ARHGAP44: variants seen among roughly 807,000 people sequenced by gnomAD.
ARHGAP44 encodes Rho GTPase activating protein 44.
A neutral mutation model predicts 106.8 loss-of-function variants in ARHGAP44; 43 were observed. The observed-to-expected ratio is 0.40, with a 90% CI of 0.32 to 0.52. The LOEUF (loss-of-function observed/expected upper bound fraction) is 0.52, where lower values mean the gene tolerates loss of function less well. Ranked by LOEUF, ARHGAP44 falls within the 20% of genes least tolerant of loss-of-function variation. The probability of loss-of-function intolerance (pLI) is 0.48; values close to 1 mark genes in which losing one functional copy is unlikely to be tolerated. For missense variants in ARHGAP44, 866 were observed against 1,050.5 expected (o/e 0.82, Z 2.43); for synonymous variants, 439 against 410.3 (o/e 1.07, Z -0.85).
intron 10 of ARHGAP44, 130 bp downstream of exon 10, chr17:12,944,326 C>A: frequency 8.5e-7 from 1 of 1,171,688 alleles, no homozygotes; most frequent in Non-Finnish European, 1.1e-6. Context: ...AAGACAGTGG[C>A]TCAGACCCAT....
intron 17 of ARHGAP44, 71 bp from the exon 18 acceptor site, chr17:12,974,018 T>G: frequency 2.1e-6 from 3 of 1,454,822 alleles, no homozygotes; most frequent in African/African-American, 1.4e-5. Flanking sequence ...CCTGCTTGAA[T>G]GTGGGGGAGG....
chr17:12,859,351 A>G (rs975637423), intron 1 of ARHGAP44, among the ~76,000 whole-genome samples: 1 of 152,170 alleles, frequency 6.6e-6, no homozygotes, highest in African/African-American at 2.4e-5. Context: ...AATTTCTGTT[A>G]TTTAAGCCAC....
intron 1 of ARHGAP44, among the ~76,000 whole-genome samples, chr17:12,825,772 T>G (rs2034902377): frequency 6.6e-6 from 1 of 152,198 alleles, no homozygotes; most frequent in African/African-American, 2.4e-5. Context: ...GCTAGCCAAG[T>G]TGACACAAAA....
chr17:12,847,200 G>T (rs866567332), intron 1 of ARHGAP44, among the ~76,000 whole-genome samples: 1 of 152,158 alleles, frequency 6.6e-6, no homozygotes, highest in Non-Finnish European at 1.5e-5. Context: ...TGCTGATTGG[G>T]CCACACATGA....
chr17:12,825,181 C>T (rs1003300288), intron 1 of ARHGAP44, among the ~76,000 whole-genome samples: 1 of 151,932 alleles, frequency 6.6e-6, no homozygotes, highest in Non-Finnish European at 1.5e-5. Context: ...GGACTACAGG[C>T]ACATGCTACC....
At chr17:12,819,956 T>C (rs761513286) in intron 1 of ARHGAP44, among the ~76,000 whole-genome samples, 79 of 152,230 alleles carry the variant, frequency 5.2e-4, no homozygotes, top group Middle Eastern at 3.4e-3. Context: ...TTAATAGTTT[T>C]TGTGTCCTAT....
In ARHGAP44 at chr17:12,978,453, G is replaced by A. The variant is rs576891512; in HGVS notation, c.1764-1605G>A. On this transcript the variant is annotated intron_variant, in intron 18 of 20. Transcript: ENST00000379672. ...TGTAAGACTCATCCCAAGTGGGAGA[G>A]AATGTGCCTCCACATTGAATGTGAT... Among the ~76,000 whole-genome samples, 3 of 152,360 alleles carry A rather than the reference G, an allele frequency of 2.0e-5. No homozygotes were observed. The South Asian group carries it at 6.2e-4, about 32-fold the overall frequency.
chr17:12,886,975 G>GTT (rs869233279), intron 1 of ARHGAP44, among the ~76,000 whole-genome samples: 3 of 109,002 alleles, frequency 2.8e-5, no homozygotes, highest in African/African-American at 4.5e-5. Flanking sequence ...TTTTTTTTTT[G>GTT]TTTTTTTTTT....
At chr17:12,979,183 A>G (rs1268457677) in intron 18 of ARHGAP44, among the ~76,000 whole-genome samples, 2 of 152,194 alleles carry the variant, frequency 1.3e-5, no homozygotes, top group East Asian at 3.9e-4. Flanking sequence ...GATTGAGAAC[A>G]CTGTGGGGGA....
intron 1 of ARHGAP44, among the ~76,000 whole-genome samples, chr17:12,807,337 C>T (rs1252826500): frequency 1.3e-5 from 2 of 152,110 alleles, no homozygotes; most frequent in Non-Finnish European, 2.9e-5. Flanking sequence ...GGTGATCACC[C>T]AGCATCCAGA....
At chr17:12,901,347 G>A (rs1364442449) in intron 3 of ARHGAP44, among the ~76,000 whole-genome samples, 1 of 152,132 alleles carries the variant, frequency 6.6e-6, no homozygotes, top group Admixed American at 6.5e-5. Flanking sequence ...GACATGGTGA[G>A]GGTTTGGACT....
At chr17:12,866,758 A>G (rs1447443788) in intron 1 of ARHGAP44, among the ~76,000 whole-genome samples, 1 of 152,170 alleles carries the variant, frequency 6.6e-6, no homozygotes, top group Non-Finnish European at 1.5e-5. Flanking sequence ...TTAGTCTTCT[A>G]GGAGCTGTAG....
chr17:12,862,055 A>G (rs916051414), intron 1 of ARHGAP44, among the ~76,000 whole-genome samples: 10 of 152,138 alleles, frequency 6.6e-5, no homozygotes, highest in African/African-American at 2.2e-4. Flanking sequence ...ATGTAAGGTA[A>G]CATATTCAGG....
chr17:12,871,508 G>T (rs541292774), intron 1 of ARHGAP44, among the ~76,000 whole-genome samples: 230 of 152,176 alleles, frequency 1.5e-3, no homozygotes, highest in African/African-American at 5.1e-3. Flanking sequence ...CATGTCTTAT[G>T]TAGCCAGAGC....
At chr17:12,934,366 A>G (rs1354368002) in intron 7 of ARHGAP44, among the ~76,000 whole-genome samples, 1 of 152,208 alleles carries the variant, frequency 6.6e-6, no homozygotes, top group Non-Finnish European at 1.5e-5. Context: ...GAGCACATAT[A>G]TTGTTAGACT....
chr17:12,916,846 C>T (rs965124799), intron 5 of ARHGAP44, among the ~76,000 whole-genome samples: 1 of 152,206 alleles, frequency 6.6e-6, no homozygotes, highest in Non-Finnish European at 1.5e-5. Flanking sequence ...GAGCTTTGAA[C>T]CCTGAATCCC....
intron 3 of ARHGAP44, among the ~76,000 whole-genome samples, chr17:12,907,114 A>T (rs1225772076): frequency 6.6e-6 from 1 of 152,142 alleles, no homozygotes; most frequent in South Asian, 2.1e-4. Context: ...TCTATGTGTT[A>T]ACACCAGGAG....
chr17:12,894,307 GGGA>G, intron 1 of ARHGAP44, among the ~76,000 whole-genome samples: 2 of 90,684 alleles, frequency 2.2e-5, no homozygotes, highest in African/African-American at 8.3e-5. Context: ...GAAAGAGAGG[GGGA>G]GAGAGAGAGA....
chr17:12,841,526 G>A (rs1198998485), intron 1 of ARHGAP44, among the ~76,000 whole-genome samples: 1 of 151,016 alleles, frequency 6.6e-6, no homozygotes, highest in Non-Finnish European at 1.5e-5. Flanking sequence ...GCCGGAAGTT[G>A]AGCTGAGATT....
Sources: gnomAD v4.1 joint callset for allele counts (sites outside exome capture counted in the v4.1 genomes callset) on GRCh38, gnomAD v4.1.1 for gene constraint, MANE v1.5 for transcripts, NCBI Gene and HGNC (gene_info 2026-07-23, HGNC 2026-07-21) for gene names.